The following SGCZ variants were observed in gnomAD, a reference collection of about 807,000 sequenced individuals.
SGCZ encodes sarcoglycan zeta, also known as zeta-sarcoglycan.
SGCZ carries 40 observed loss-of-function variants against 41.3 expected under a neutral mutation model. That is an observed-to-expected ratio of 0.97 (90% CI 0.75 to 1.26). The LOEUF is 1.26. SGCZ is among the 50% of genes most tolerant of loss of function. SGCZ has a pLI of 0.00. For missense variants in SGCZ, 552 were observed against 369.8 expected (o/e 1.49, Z -4.04); for synonymous variants, 206 against 137.5 (o/e 1.50, Z -3.49).
intron 2 of SGCZ, among the ~76,000 whole-genome samples, chr8:14,493,355 C>CTTTTTTTTT (rs1563365484): frequency 1.5e-5 from 1 of 66,240 alleles, no homozygotes; most frequent in Non-Finnish European, 3.0e-5. Context: ...CACTATCATC[C>CTTTTTTTTT]TTTCTTTTTT....
intron 1 of SGCZ, among the ~76,000 whole-genome samples, chr8:14,596,678 G>A (rs996404798): frequency 6.6e-6 from 1 of 152,074 alleles, no homozygotes; most frequent in African/African-American, 2.4e-5. Flanking sequence ...CTCACGGGGT[G>A]GGGGAAGGGG....
intron 1 of SGCZ, among the ~76,000 whole-genome samples, chr8:15,030,735 A>T (rs1803630918): frequency 1.3e-5 from 2 of 152,168 alleles, no homozygotes; most frequent in Admixed American, 1.3e-4. Context: ...TTACTAACTC[A>T]TGATTTCCTG....
At chr8:14,157,313 A>C in intron 5 of SGCZ, among the ~76,000 whole-genome samples, 1 of 146,828 alleles carries the variant, frequency 6.8e-6, no homozygotes, top group Non-Finnish European at 1.5e-5. Context: ...ACAATATTAT[A>C]TGTTATATAC....
chr8:15,116,466 T>C (rs753800227), intron 1 of SGCZ, among the ~76,000 whole-genome samples: 1 of 152,192 alleles, frequency 6.6e-6, no homozygotes, highest in African/African-American at 2.4e-5. Flanking sequence ...AAGTTTAGCA[T>C]ATGGGATAAA....
At chr8:14,266,264 G>A (rs1799861588) in intron 3 of SGCZ, among the ~76,000 whole-genome samples, 1 of 152,032 alleles carries the variant, frequency 6.6e-6, no homozygotes, top group Non-Finnish European at 1.5e-5. Flanking sequence ...CAGGGATGAA[G>A]CAATACAAAT....
intron 1 of SGCZ, among the ~76,000 whole-genome samples, chr8:15,160,016 T>C (rs968534202): frequency 6.6e-6 from 1 of 152,028 alleles, no homozygotes; most frequent in African/African-American, 2.4e-5. Flanking sequence ...TTTTCACTTT[T>C]AATTGTGGTA....
intron 1 of SGCZ, 77 bp downstream of exon 1, chr8:15,237,508 G>T: frequency 6.6e-7 from 1 of 1,515,250 alleles, no homozygotes; most frequent in Non-Finnish European, 9.0e-7. Flanking sequence ...CGCGCCGCTG[G>T]AGGAGCCGCG....
At chr8:14,713,427 AT>A (rs563451557) in intron 1 of SGCZ, among the ~76,000 whole-genome samples, 1 of 152,190 alleles carries the variant, frequency 6.6e-6, no homozygotes, top group Non-Finnish European at 1.5e-5. Context: ...GGAAAAAAGT[AT>A]AAAATCAGGA....
At chr8:15,130,200 G>A (rs1220202789) in intron 1 of SGCZ, among the ~76,000 whole-genome samples, 4 of 152,064 alleles carry the variant, frequency 2.6e-5, no homozygotes, top group Non-Finnish European at 4.4e-5. Context: ...AAGGCTCCTG[G>A]CGAGCTGCAA....
At chr8:14,392,639 A>G (rs10110923) in intron 2 of SGCZ, among the ~76,000 whole-genome samples, 11,373 of 152,210 alleles carry the variant, frequency 0.075, 742 homozygotes, top group African/African-American at 0.17. Context: ...ATAGGCAGAT[A>G]AACTATGGTT....
At chr8:15,080,409 C>A (rs1805697128) in intron 1 of SGCZ, among the ~76,000 whole-genome samples, 1 of 152,028 alleles carries the variant, frequency 6.6e-6, no homozygotes, top group South Asian at 2.1e-4. Flanking sequence ...GCATCCTGCC[C>A]CTCTCCAAAG....
chr8:14,444,217 C>G (rs1441212449), intron 2 of SGCZ, among the ~76,000 whole-genome samples: 3 of 152,080 alleles, frequency 2.0e-5, no homozygotes, highest in Admixed American at 6.6e-5. Flanking sequence ...GTTGGTGGGA[C>G]TGTAAACTAG....
chr8:15,170,757 A>T (rs1349578778), intron 1 of SGCZ, among the ~76,000 whole-genome samples: 1 of 152,188 alleles, frequency 6.6e-6, no homozygotes, highest in Non-Finnish European at 1.5e-5. Context: ...CTTACAAGGG[A>T]TCCATATTAC....
chr8:14,359,822 A>AC (rs921389760), intron 2 of SGCZ, among the ~76,000 whole-genome samples: 2 of 151,778 alleles, frequency 1.3e-5, no homozygotes, highest in South Asian at 2.1e-4. Flanking sequence ...AAAGAAAAAA[A>AC]AAAAAAACAA....
intron 1 of SGCZ, among the ~76,000 whole-genome samples, chr8:15,084,610 G>A (rs892300614): frequency 1.3e-5 from 2 of 152,000 alleles, no homozygotes; most frequent in Admixed American, 1.3e-4. Flanking sequence ...AAATTAGCTG[G>A]GCGTGGTAAT....
At chr8:14,747,301 G>A (rs1041277258) in intron 1 of SGCZ, among the ~76,000 whole-genome samples, 1 of 152,118 alleles carries the variant, frequency 6.6e-6, no homozygotes, top group African/African-American at 2.4e-5. Context: ...TAGCCTGAGA[G>A]TACATCTAGC....
At chr8:14,303,434 C>T (rs1801256783) in intron 3 of SGCZ, among the ~76,000 whole-genome samples, 1 of 152,020 alleles carries the variant, frequency 6.6e-6, no homozygotes, top group South Asian at 2.1e-4. Flanking sequence ...TCTTTAAAAA[C>T]CTGTACTATA....
intron 1 of SGCZ, among the ~76,000 whole-genome samples, chr8:14,670,684 C>G (rs1206718710): frequency 1.3e-5 from 2 of 152,150 alleles, no homozygotes; most frequent in East Asian, 3.9e-4. Context: ...AAATAGCACT[C>G]TCAATGGTCC....
intron 1 of SGCZ, among the ~76,000 whole-genome samples, chr8:14,579,389 C>G (rs527697592): frequency 6.6e-6 from 1 of 152,270 alleles, no homozygotes; most frequent in East Asian, 1.9e-4. Context: ...AATTCCATAT[C>G]GAAACAATGA....
Sources: allele counts gnomAD v4.1 joint callset (sites outside exome capture counted in the v4.1 genomes callset), GRCh38; gene constraint gnomAD v4.1.1; transcripts MANE v1.5; gene names NCBI Gene and HGNC (gene_info 2026-07-23, HGNC 2026-07-21).